PRKG1: variants seen among roughly 807,000 people sequenced by gnomAD.
PRKG1 encodes the protein cGMP-dependent protein kinase 1.
PRKG1 carries 35 observed loss-of-function variants against 88.1 expected under a neutral mutation model. The ratio of observed to expected loss-of-function variants is 0.40; its 90% CI spans 0.30 to 0.53. The LOEUF (loss-of-function observed/expected upper bound fraction) is 0.53, where lower values mean the gene tolerates loss of function less well. Ranked by LOEUF, PRKG1 falls within the 20% of genes least tolerant of loss-of-function variation. The probability of loss-of-function intolerance (pLI) is 0.59; values close to 1 mark genes in which losing one functional copy is unlikely to be tolerated. For synonymous variants in PRKG1, 303 were observed against 292.5 expected, an observed-to-expected ratio of 1.04 and a Z score of -0.37; for missense variants, 540 against 839.8, an observed-to-expected ratio of 0.64 and a Z score of 4.41.
chr10:51,439,887 CAA>C (rs999607634), intron 2 of PRKG1, among the ~76,000 whole-genome samples: 5 of 151,876 alleles, frequency 3.3e-5, no homozygotes, highest in African/African-American at 1.2e-4. Flanking sequence ...ATTTTTAACA[CAA>C]GAGCTTTTGT....
At chr10:51,592,571 C>T (rs1362458129) in intron 3 of PRKG1, among the ~76,000 whole-genome samples, 1 of 152,132 alleles carries the variant, frequency 6.6e-6, no homozygotes. Flanking sequence ...GAGAGGATTC[C>T]ATGGCCTTCG....
chr10:51,925,363 C>G (rs1160508711), intron 5 of PRKG1, among the ~76,000 whole-genome samples: 2 of 151,948 alleles, frequency 1.3e-5, no homozygotes, highest in African/African-American at 4.8e-5. Context: ...GCTTATAGTC[C>G]TATAGCTTTA....
intron 11 of PRKG1, among the ~76,000 whole-genome samples, chr10:52,272,128 G>A (rs1476929189): frequency 6.6e-6 from 1 of 152,034 alleles, no homozygotes; most frequent in East Asian, 1.9e-4. Context: ...AAATTGGAAT[G>A]GAAAGAATCC....
At chr10:51,577,630 C>G (rs1282768633) in intron 3 of PRKG1, among the ~76,000 whole-genome samples, 1 of 151,944 alleles carries the variant, frequency 6.6e-6, no homozygotes, top group African/African-American at 2.4e-5. Context: ...GTGAATCAAT[C>G]AGGTTTATAA....
At chr10:52,277,408 T>G (rs1841900114) in intron 12 of PRKG1, among the ~76,000 whole-genome samples, 1 of 152,180 alleles carries the variant, frequency 6.6e-6, no homozygotes, top group Admixed American at 6.5e-5. Context: ...TTTACTATAT[T>G]AAGACATAGT....
chr10:51,953,220 G>A (rs748746343), intron 5 of PRKG1, among the ~76,000 whole-genome samples: 1 of 152,116 alleles, frequency 6.6e-6, no homozygotes, highest in Non-Finnish European at 1.5e-5. Flanking sequence ...TTAACAAGTC[G>A]TAGGAAATTT....
chr10:51,334,174 CT>C (rs1841813026), intron 2 of PRKG1, among the ~76,000 whole-genome samples: 3 of 151,278 alleles, frequency 2.0e-5, no homozygotes, highest in South Asian at 2.1e-4. Flanking sequence ...CTCTCTCTCT[CT>C]CTCTCTCTCT....
intron 5 of PRKG1, among the ~76,000 whole-genome samples, chr10:52,006,071 G>C (rs761727279): frequency 6.9e-6 from 1 of 144,112 alleles, no homozygotes; most frequent in African/African-American, 2.6e-5. Flanking sequence ...CATCAAATAA[G>C]ATAAAAGAAA....
chr10:51,970,280 T>C (rs970284438), intron 5 of PRKG1, among the ~76,000 whole-genome samples: 10 of 151,960 alleles, frequency 6.6e-5, no homozygotes, highest in African/African-American at 2.4e-4. Context: ...ATTCAACTAA[T>C]AATGTCCATC....
chr10:52,162,817 A>G (rs1207847500), intron 9 of PRKG1, among the ~76,000 whole-genome samples: 1 of 152,196 alleles, frequency 6.6e-6, no homozygotes, highest in Non-Finnish European at 1.5e-5. Flanking sequence ...TTATTTTCAA[A>G]GCTATATGAA....
At chr10:51,086,911 T>A (rs1026132316) in intron 1 of PRKG1, among the ~76,000 whole-genome samples, 1 of 152,174 alleles carries the variant, frequency 6.6e-6, no homozygotes, top group African/African-American at 2.4e-5. Context: ...GTCAGGGTGA[T>A]GGATGGAAAA....
At chr10:51,436,689 T>A (rs1838941937) in intron 2 of PRKG1, among the ~76,000 whole-genome samples, 1 of 152,050 alleles carries the variant, frequency 6.6e-6, no homozygotes, top group Non-Finnish European at 1.5e-5. Flanking sequence ...CATATTACCG[T>A]GAAGTCTCAA....
chr10:51,793,050 G>T (rs1001701331), intron 3 of PRKG1, among the ~76,000 whole-genome samples: 5 of 145,698 alleles, frequency 3.4e-5, no homozygotes, highest in African/African-American at 5.1e-5. Flanking sequence ...AAAAAAAGGT[G>T]CTAGTGACTA....
chr10:52,028,634 G>A (rs1253626792), intron 5 of PRKG1, among the ~76,000 whole-genome samples: 1 of 152,138 alleles, frequency 6.6e-6, no homozygotes, highest in African/African-American at 2.4e-5. Context: ...GATCCTAAGT[G>A]TACCTGTTCC....
intron 17 of PRKG1, among the ~76,000 whole-genome samples, chr10:52,292,376 TA>T (rs1842270009): frequency 6.6e-6 from 1 of 152,026 alleles, no homozygotes; most frequent in South Asian, 2.1e-4. Context: ...GGTCTTCTTC[TA>T]GGGTTTTTAT....
chr10:52,092,691 T>C (rs1049392139), intron 7 of PRKG1, among the ~76,000 whole-genome samples: 7 of 152,170 alleles, frequency 4.6e-5, no homozygotes, highest in Non-Finnish European at 4.4e-5. Flanking sequence ...TCAAATACAA[T>C]TTAAATATGA....
intron 2 of PRKG1, among the ~76,000 whole-genome samples, chr10:51,443,210 G>T (rs1217901717): frequency 6.9e-6 from 1 of 143,970 alleles, no homozygotes; most frequent in Non-Finnish European, 1.5e-5. Context: ...GCCAAATCTG[G>T]CTCTCAGCCT....
At chr10:51,013,724 G>T (rs890861795) in intron 1 of PRKG1, among the ~76,000 whole-genome samples, 1 of 152,046 alleles carries the variant, frequency 6.6e-6, no homozygotes, top group Non-Finnish European at 1.5e-5. Context: ...TATAATATAA[G>T]CCTAATGAGA....
chr10:51,080,657 A>G (rs1844085780), intron 1 of PRKG1, among the ~76,000 whole-genome samples: 1 of 152,222 alleles, frequency 6.6e-6, no homozygotes, highest in South Asian at 2.1e-4. Flanking sequence ...TGAAAGCAGC[A>G]TTTACCAGTA....
Sources: allele counts gnomAD v4.1 joint callset (sites outside exome capture counted in the v4.1 genomes callset), GRCh38; gene constraint gnomAD v4.1.1; transcripts MANE v1.5; gene names NCBI Gene and HGNC (gene_info 2026-07-23, HGNC 2026-07-21).